Variants in CDR2 observed in about 807,000 individuals in gnomAD.
CDR2 encodes the protein cerebellar degeneration related protein 2.
Under a neutral mutation model 48.4 loss-of-function variants are expected in CDR2, and 34 were observed. The ratio of observed to expected loss-of-function variants is 0.70; its 90% confidence interval spans 0.53 to 0.94. CDR2 has a LOEUF of 0.94. Among genes scored for constraint, CDR2 ranks in the 40% least tolerant of loss-of-function variants. The pLI, the probability that CDR2 is intolerant of heterozygous loss-of-function variation, is 0.00. For missense variants in CDR2, 498 were observed against 549.5 expected, an observed-to-expected ratio of 0.91 and a Z score of 0.94; for synonymous variants, 240 against 219.7, an observed-to-expected ratio of 1.09 and a Z score of -0.82.
At chr16:22,358,769 A>G (rs2048992966) in intron 2 of CDR2, among the ~76,000 whole-genome samples, 1 of 152,190 alleles carries the variant, frequency 6.6e-6, no homozygotes, top group South Asian at 2.1e-4. Context: ...CCCTGTAGAA[A>G]TTTGGTGGCG....
intron 4 of CDR2, among the ~76,000 whole-genome samples, chr16:22,348,138 T>C (rs901393730): frequency 1.3e-5 from 2 of 152,036 alleles, no homozygotes; most frequent in African/African-American, 4.8e-5. Flanking sequence ...GGTTTCTCCA[T>C]GTTGGTCAGG....
intron 2 of CDR2, among the ~76,000 whole-genome samples, chr16:22,362,595 G>A (rs1284529742): frequency 6.6e-6 from 1 of 152,168 alleles, no homozygotes; most frequent in African/African-American, 2.4e-5. Flanking sequence ...AAACCTCATA[G>A]ACTACGATAA....
rs2048907062 is a variant in CDR2, at chr16:22,346,695, A to G, written c.*270T>C. 1.1e-5 allele frequency: 5 copies of G among 458,666 alleles called. No individual in the cohort carries two copies. In the East Asian group the frequency reaches 1.9e-4, roughly 18 times the overall value. 28.4% of individuals were successfully genotyped at this position (458,666 alleles called of 1,614,324 possible). On this transcript the variant is annotated 3_prime_UTR_variant, in exon 5 of 5. Coordinates refer to ENST00000268383, the MANE Select transcript of CDR2 (RefSeq NM_001802.2). Reference sequence around the variant, plus strand: ...CTCCAGAAGTATAGCTCTTCCCTCCACTGGTCCTTTTCAGGAACTGAAGTC... The same window carrying G: ...CTCCAGAAGTATAGCTCTTCCCTCCGCTGGTCCTTTTCAGGAACTGAAGTC...
chr16:22,368,243 CTT>C (rs2049055273), intron 1 of CDR2, among the ~76,000 whole-genome samples: 1 of 152,248 alleles, frequency 6.6e-6, no homozygotes, highest in East Asian at 1.9e-4. Flanking sequence ...GTCTCTCACT[CTT>C]GTCACCCAGG....
chr16:22,365,779 G>A (rs2049041404), intron 1 of CDR2, among the ~76,000 whole-genome samples: 1 of 152,078 alleles, frequency 6.6e-6, no homozygotes, highest in Admixed American at 6.6e-5. Flanking sequence ...TATAAGAAAG[G>A]ACACTAGTTG....
chr16:22,356,965 A>G (rs1046675009), intron 2 of CDR2, among the ~76,000 whole-genome samples: 4 of 150,962 alleles, frequency 2.6e-5, no homozygotes, highest in Non-Finnish European at 5.9e-5. Context: ...AAAAAAAAAA[A>G]AAAAAAGAAG....
chr16:22,373,815 G>A (rs1184274814), intron 1 of CDR2, among the ~76,000 whole-genome samples: 3 of 152,238 alleles, frequency 2.0e-5, no homozygotes, highest in Non-Finnish European at 4.4e-5. Flanking sequence ...GCAGCAGCCG[G>A]CCCTCCACGC....
intron 1 of CDR2, among the ~76,000 whole-genome samples, chr16:22,372,184 T>TTTG (rs150656813): frequency 0.042 from 6,407 of 152,232 alleles, 175 homozygotes; most frequent in South Asian, 0.065. Flanking sequence ...CCTGTGTTTT[T>TTTG]AAGGTTAAAC....
rs2048906424 is a variant in CDR2, at chr16:22,346,610, C to G, written c.*355G>C. On this transcript the variant is annotated 3_prime_UTR_variant, in exon 5 of 5. Coordinates refer to ENST00000268383, the MANE Select transcript of CDR2 (RefSeq NM_001802.2). The stretch of plus-strand genomic sequence containing the variant: ...TTGCGCAAGGAAGCAATAGGAATTG[C>G]CTTAGCTTTGTTCTAACTCGACCCT... The G allele has an allele frequency of 4.6e-6, 1 of 216,448 alleles. No individual in the cohort carries two copies. Among genetic ancestry groups the G allele is most frequent in the African/African-American group, 2.3e-5 (1 of 43,820 alleles). The allele number at this position is 216,448 out of a possible 1,614,324, so 13.4% of individuals were successfully genotyped here. A position where few individuals can be genotyped will look rare whatever the true frequency, so the allele number is the denominator to read the frequency against.
intron 1 of CDR2, among the ~76,000 whole-genome samples, chr16:22,372,205 G>A (rs1466475745): frequency 1.3e-5 from 2 of 152,138 alleles, no homozygotes; most frequent in African/African-American, 4.8e-5. Flanking sequence ...TTGAAGAGCT[G>A]ATGACTTTAT....
chr16:22,363,867 G>A (rs2141851240), intron 2 of CDR2, among the ~76,000 whole-genome samples: 1 of 152,308 alleles, frequency 6.6e-6, no homozygotes, highest in Non-Finnish European at 1.5e-5. Flanking sequence ...TAGCAGCATA[G>A]AGGGCCATTT....
In CDR2 at chr16:22,346,754, TG is replaced by T. The variant is rs2048907532; in HGVS notation, c.*210del. ...GCGCCAGCCAGAGGCCAGTTTGTCA[TG>T]GGATTTCCTGGGGAGCTTAAATGGA... On this transcript the variant is annotated 3_prime_UTR_variant, in exon 5 of 5. Coordinates refer to ENST00000268383, the MANE Select transcript of CDR2 (RefSeq NM_001802.2). 2.2e-5 allele frequency: 13 copies of T among 596,446 alleles called. No individual in the cohort carries two copies. In the South Asian group the frequency reaches 2.8e-4, roughly 13 times the overall value. The allele number at this position is 596,446 out of a possible 1,614,324, so 36.9% of individuals were successfully genotyped here. A position where few individuals can be genotyped will look rare whatever the true frequency, so the allele number is the denominator to read the frequency against.
rs2048902453 is a variant in CDR2 at position 22,346,139 on chromosome 16, C to T, written c.*826G>A. ...AATGGTAAGAACTCTGCAAGAGCAG[C>T]TTGTGGCTGGCAAGTCAGCCAGCTC... On this transcript the variant is annotated 3_prime_UTR_variant, in exon 5 of 5. Transcript: ENST00000268383. 1 of 152,436 alleles carries T rather than the reference C, an allele frequency of 6.6e-6. No individual in the cohort carries two copies. The highest frequency in any genetic ancestry group is 2.4e-5 in the African/African-American group (1 of 41,466). 9.4% of individuals were successfully genotyped at this position (152,436 alleles called of 1,614,324 possible).
intron 4 of CDR2, 77 bp downstream of exon 4, chr16:22,349,202 C>T (rs1241441192): frequency 2.0e-6 from 3 of 1,486,094 alleles, no homozygotes; most frequent in African/African-American, 1.4e-5. Context: ...ATGGTACTTT[C>T]AATCTACTGG....
rs1382840971 is a variant in CDR2, at chr16:22,364,969, T to C, written c.125A>G (p.Asn42Ser). The change falls in exon 2 of 5, where the codon AAC becomes AGC. Residue 42 changes from asparagine (N) to serine (S), a missense_variant. Transcript: ENST00000268383. ...AELGKTLLDR[N>S]TELEDSVQQM... The stretch of plus-strand genomic sequence containing the variant: ...CTGAACAGAGTCCTCCAACTCTGTG[T>C]TCCGATCCAGTAATGTCTTCCCAAG... 2.5e-6 allele frequency: 4 copies of C among 1,613,866 alleles called. No individual in the cohort carries two copies. Among genetic ancestry groups the C allele is most frequent in the East Asian group, 2.2e-5 (1 of 44,876 alleles).
chr16:22,365,358 T>C (rs2049038444), intron 1 of CDR2, among the ~76,000 whole-genome samples: 1 of 152,230 alleles, frequency 6.6e-6, no homozygotes, highest in East Asian at 1.9e-4. Context: ...CTTTTTTGAA[T>C]GGACCCTTGA....
Position 22,347,615 on chromosome 16 carries a change from C to G in CDR2, c.715G>C (p.Ala239Pro). 1 of 1,614,130 alleles carries G rather than the reference C, an allele frequency of 6.2e-7. No homozygotes were observed. ...ENSELEQQLG[A>P]TGAYRARALE... ...GCCCGTGCTCGGTAGGCACCTGTGGCCCCCAGCTGCTGCTCCAGTTCACTG... is the reference window on the plus strand; with the variant it reads ...GCCCGTGCTCGGTAGGCACCTGTGGGCCCCAGCTGCTGCTCCAGTTCACTG... The change falls in exon 5 of 5, where the codon GCC becomes CCC. Residue 239 changes from alanine to proline, a missense_variant. Transcript: ENST00000268383.
At chr16:22,365,709 C>T (rs2049040771) in intron 1 of CDR2, among the ~76,000 whole-genome samples, 1 of 152,094 alleles carries the variant, frequency 6.6e-6, no homozygotes, top group Non-Finnish European at 1.5e-5. Flanking sequence ...GTATAATGCC[C>T]ATAAAACAGG....
chr16:22,371,284 A>T (rs1468037974), intron 1 of CDR2, among the ~76,000 whole-genome samples: 1 of 152,244 alleles, frequency 6.6e-6, no homozygotes, highest in South Asian at 2.1e-4. Flanking sequence ...GATGTTAAAA[A>T]ACGGACAGAT....
Sources: gnomAD v4.1 joint callset for allele counts (sites outside exome capture counted in the v4.1 genomes callset) on GRCh38, gnomAD v4.1.1 for gene constraint, MANE v1.5 for transcripts, NCBI Gene and HGNC (gene_info 2026-07-23, HGNC 2026-07-21) for gene names.